The following AGAP1 variants were observed in gnomAD, a reference collection of about 807,000 sequenced individuals.
The protein encoded by AGAP1 is arf-GAP with GTPase, ANK repeat and PH domain-containing protein 1.
Under a neutral mutation model 105.3 loss-of-function variants are expected in AGAP1, and 29 were observed. That is an observed-to-expected ratio of 0.28 (90% confidence interval 0.21 to 0.38). AGAP1 has a LOEUF of 0.38. Ranked by LOEUF, AGAP1 falls within the 10% of genes least tolerant of loss-of-function variation. The pLI, the probability that AGAP1 is intolerant of heterozygous loss-of-function variation, is 1.00. For missense variants in AGAP1, 998 were observed against 1,165.1 expected (o/e 0.86, Z 2.09); for synonymous variants, 509 against 485.9 (o/e 1.05, Z -0.63).
chr2:235,901,712 C>A lies in AGAP1; in HGVS notation c.1156-7026C>A, dbSNP rs2051073301. On this transcript the variant is annotated intron_variant, in intron 10 of 17. Transcript: ENST00000304032. The surrounding 1 kb of genome is among the most constrained non-coding windows in gnomAD (Gnocchi z 4.3). ...TCTGGCCAACATGGTGAAACCCCAT[C>A]TCTACTAAAACTACAGAAATTAGGT... is the stretch of plus-strand genomic sequence containing the variant. 6.6e-6 allele frequency among the ~76,000 whole-genome samples: 1 copy of A among 152,112 alleles called. No individual in the cohort carries two copies. Among genetic ancestry groups the A allele is most frequent in the African/African-American group, 2.4e-5 (1 of 41,408 alleles).
In AGAP1 at chr2:235,695,223, A is replaced by G. The variant is rs542788014; in HGVS notation, c.164-13956A>G. ...CAGCTTGATCACCATGTGGATGTGG[A>G]TGAGTCAGTTCACTCCATAATAGCT... is the stretch of plus-strand genomic sequence containing the variant. On this transcript the variant is annotated intron_variant, in intron 1 of 17. Transcript: ENST00000304032. 7.2e-5 allele frequency among the ~76,000 whole-genome samples: 11 copies of G among 152,258 alleles called. No individual in the cohort carries two copies. The South Asian group carries it at 2.1e-3, about 29-fold the overall frequency.
intron 1 of AGAP1, among the ~76,000 whole-genome samples, chr2:235,661,436 G>A (rs1947948843): frequency 6.6e-6 from 1 of 150,880 alleles, no homozygotes; most frequent in Admixed American, 6.6e-5. Context: ...AGGGAGCTCT[G>A]AAGTCATGGC....
chr2:236,052,298 C>T (rs554449874), intron 16 of AGAP1, among the ~76,000 whole-genome samples: 5 of 152,208 alleles, frequency 3.3e-5, no homozygotes, highest in Admixed American at 1.3e-4. Context: ...ATTAGAAATG[C>T]GTCGTTCAGC....
At position 235,639,873 on chromosome 2, in the gene AGAP1, TAG is replaced by T. The variant is rs201087963; in HGVS notation, c.164-69303_164-69302del. Among the ~76,000 whole-genome samples the T allele has an allele frequency of 6.4e-4, 97 of 152,318 alleles. 1 individual carries two copies. In the East Asian group the frequency reaches 0.018, roughly 28 times the overall value. On this transcript the variant is annotated intron_variant, in intron 1 of 17. Transcript: ENST00000304032. This position sits in a 1 kb window ranked among gnomAD's most constrained non-coding sequence, Gnocchi z 5.3. ...ACGTCTTGAGGGGTCCACGGATTGA[TAG>T]AGTCAGCAGGGATGGACAGTTTCCC... is the stretch of plus-strand genomic sequence containing the variant.
rs1324771560 is a variant in AGAP1, at chr2:235,622,589, A to G, written c.164-86590A>G. On this transcript the variant is annotated intron_variant, in intron 1 of 17. Coordinates refer to ENST00000304032, the MANE Select transcript of AGAP1 (RefSeq NM_001037131.3). This position sits in a 1 kb window ranked among gnomAD's most constrained non-coding sequence, Gnocchi z 5.0. The stretch of plus-strand genomic sequence containing the variant: ...TCCTCTTGGTGGACTCACTAAGTCA[A>G]CTTTGACGCTTCAGCCAACGTCGGT... 1.3e-5 allele frequency among the ~76,000 whole-genome samples: 2 copies of G among 152,096 alleles called. No individual in the cohort carries two copies. The highest frequency in any genetic ancestry group is 1.5e-5 in the Non-Finnish European group (1 of 68,004).
At chr2:235,676,841 G>T (rs1575099853) in intron 1 of AGAP1, among the ~76,000 whole-genome samples, 1 of 152,320 alleles carries the variant, frequency 6.6e-6, no homozygotes, top group African/African-American at 2.4e-5. Context: ...GTTATTGAGG[G>T]TAGTCTCATG....
chr2:235,943,217 G>A (rs1490098747), intron 12 of AGAP1, among the ~76,000 whole-genome samples: 3 of 152,276 alleles, frequency 2.0e-5, no homozygotes, highest in Admixed American at 2.0e-4. Flanking sequence ...GAACCCAACA[G>A]GTTAAGAACC....
At position 236,050,714 on chromosome 2, in the gene AGAP1, G is replaced by T. The variant is rs2057872542; in HGVS notation, c.2114+1433G>T. Among the ~76,000 whole-genome samples, 1 of 152,088 alleles carries T rather than the reference G, an allele frequency of 6.6e-6. No individual in the cohort carries two copies. The highest frequency in any genetic ancestry group is 2.4e-5 in the African/African-American group (1 of 41,418). On this transcript the variant is annotated intron_variant, in intron 16 of 17. Transcript: ENST00000304032. The surrounding 1 kb of genome is among the most constrained non-coding windows in gnomAD (Gnocchi z 4.0). ...ATGCAGAAAACATTGAAATAAGCTG[G>T]AAAAATCTATGCATCTTACTGTTTA...
intron 9 of AGAP1, among the ~76,000 whole-genome samples, chr2:235,860,094 C>T (rs1156415809): frequency 1.3e-5 from 2 of 152,172 alleles, no homozygotes; most frequent in East Asian, 1.9e-4. Context: ...TTCTTCTCCT[C>T]CTCCTCCTCC....
At position 236,009,422 on chromosome 2, in the gene AGAP1, G is replaced by A. The variant is rs1180053652; in HGVS notation, c.1646-27139G>A. ...TCTTTGTGTAAAGGATCCTGGTGCC[G>A]CAGTCAGCCTGAAACACTCCAAGGA... On this transcript the variant is annotated intron_variant, in intron 13 of 17. Transcript: ENST00000304032. This position sits in a 1 kb window ranked among gnomAD's most constrained non-coding sequence, Gnocchi z 4.2. 2.0e-5 allele frequency among the ~76,000 whole-genome samples: 3 copies of A among 152,144 alleles called. No homozygotes were observed. The highest frequency in any genetic ancestry group is 4.8e-5 in the African/African-American group (2 of 41,428).
Position 236,001,166 on chromosome 2 carries a change from G to A in AGAP1, c.1645+32543G>A, listed in dbSNP as rs564640868. Among the ~76,000 whole-genome samples the A allele has an allele frequency of 1.3e-5, 2 of 152,240 alleles. No homozygotes were observed. The highest frequency in any genetic ancestry group is 4.1e-4 in the South Asian group (2 of 4,828). On this transcript the variant is annotated intron_variant, in intron 13 of 17. Coordinates refer to ENST00000304032, the MANE Select transcript of AGAP1 (RefSeq NM_001037131.3). The surrounding 1 kb of genome is among the most constrained non-coding windows in gnomAD (Gnocchi z 4.7). ...ACTCTGGCGGTGGCTGGGGCAGCGC[G>A]GCTGTGGGGCAGAGAATGCTGAGAT... is the stretch of plus-strand genomic sequence containing the variant.
Position 235,849,803 on chromosome 2 carries a change from G to C in AGAP1, c.1051-33542G>C, listed in dbSNP as rs562322278. ...TGCTCCACCGTCCACTCTGCTTCCC[G>C]CCCCTGGAGGGGAGGAAGACGAGCA... On this transcript the variant is annotated intron_variant, in intron 9 of 17. Transcript: ENST00000304032. Among the ~76,000 whole-genome samples the C allele has an allele frequency of 3.9e-5, 6 of 152,244 alleles. No homozygotes were observed. In the East Asian group the frequency reaches 1.2e-3, roughly 29 times the overall value.
At chr2:235,995,882 ATGGGTTTGGAGGTCATTGTGCAG>A (rs2055791010) in intron 13 of AGAP1, among the ~76,000 whole-genome samples, 2 of 152,078 alleles carry the variant, frequency 1.3e-5, no homozygotes, top group Non-Finnish European at 1.5e-5. Context: ...ATTGCCAAAA[ATGGGTTTGGAGGTCATTGTGCAG>A]TGGGTTTGGA....
At chr2:235,693,466 C>T (rs748245747) in intron 1 of AGAP1, among the ~76,000 whole-genome samples, 33 of 152,210 alleles carry the variant, frequency 2.2e-4, no homozygotes, top group Non-Finnish European at 3.7e-4. Flanking sequence ...CAGCCACCTG[C>T]ACTCCCAGCA....
chr2:236,085,985 T>C (rs1182166467), intron 16 of AGAP1, among the ~76,000 whole-genome samples: 1 of 152,274 alleles, frequency 6.6e-6, no homozygotes, highest in Non-Finnish European at 1.5e-5. Flanking sequence ...TCTGCTGTTA[T>C]CACAGCCTGG....
rs1951575567 is a variant in AGAP1, at chr2:235,724,991, G to C, written c.310+7347G>C. Reference sequence around the variant, plus strand: ...GGAATGAGCCGCTTCACCTCCTGGAGAAAGGACGTCTCGTTTCCAGCATGT... The same window carrying C: ...GGAATGAGCCGCTTCACCTCCTGGACAAAGGACGTCTCGTTTCCAGCATGT... On this transcript the variant is annotated intron_variant, in intron 3 of 17. Coordinates refer to ENST00000304032, the MANE Select transcript of AGAP1 (RefSeq NM_001037131.3). This position sits in a 1 kb window ranked among gnomAD's most constrained non-coding sequence, Gnocchi z 4.9. 6.6e-6 allele frequency among the ~76,000 whole-genome samples: 1 copy of C among 152,192 alleles called. No individual in the cohort carries two copies. The highest frequency in any genetic ancestry group is 2.4e-5 in the African/African-American group (1 of 41,454).
At chr2:235,537,113 A>C (rs914559865) in intron 1 of AGAP1, among the ~76,000 whole-genome samples, 4 of 152,242 alleles carry the variant, frequency 2.6e-5, no homozygotes, top group African/African-American at 9.6e-5. Flanking sequence ...ATCTTCACAG[A>C]GCTCATGTTT....
rs1198402932 is a variant in AGAP1 at position 236,104,808 on chromosome 2, G to T, written c.2115-15384G>T. On this transcript the variant is annotated intron_variant, in intron 16 of 17. Transcript: ENST00000304032. This position sits in a 1 kb window ranked among gnomAD's most constrained non-coding sequence, Gnocchi z 4.7. ...GGAGGCTGAGGCAGGCAGGAGAATC[G>T]CTTGAACCGGGACCCGGGAGGCGGA... is the stretch of plus-strand genomic sequence containing the variant. 6.6e-6 allele frequency among the ~76,000 whole-genome samples: 1 copy of T among 152,104 alleles called. No homozygotes were observed. The highest frequency in any genetic ancestry group is 1.5e-5 in the Non-Finnish European group (1 of 68,026).
intron 16 of AGAP1, among the ~76,000 whole-genome samples, chr2:236,063,975 A>G (rs1017967477): frequency 6.6e-6 from 1 of 152,216 alleles, no homozygotes; most frequent in South Asian, 2.1e-4. Context: ...ACCCTGGAGG[A>G]TACATACATA....
Sources: allele counts gnomAD v4.1 joint callset (sites outside exome capture counted in the v4.1 genomes callset), GRCh38; gene constraint gnomAD v4.1.1; non-coding constraint Gnocchi (gnomAD v3.1); transcripts MANE v1.5; gene names NCBI Gene and HGNC (gene_info 2026-07-23, HGNC 2026-07-21).